Variants in EHMT2 observed in about 807,000 individuals in gnomAD.
The protein encoded by EHMT2 is euchromatic histone lysine methyltransferase 2.
Under a neutral mutation model 143.3 loss-of-function variants are expected in EHMT2, and 59 were observed. The ratio of observed to expected loss-of-function variants is 0.41; its 90% CI spans 0.33 to 0.51. The LOEUF is 0.51. EHMT2 is among the 20% of genes least tolerant of loss of function. The probability of loss-of-function intolerance (pLI) is 0.18; values close to 1 mark genes in which losing one functional copy is unlikely to be tolerated. For missense variants in EHMT2, 1,174 were observed against 1,645.9 expected, an observed-to-expected ratio of 0.71 and a Z score of 4.96; for synonymous variants, 604 against 651.5, an observed-to-expected ratio of 0.93 and a Z score of 1.11.
Position 31,880,524 on chromosome 6 carries a change from GT to G in EHMT2, c.3452+148del, listed in dbSNP as rs1208106753. The G allele has an allele frequency of 1.1e-6, 1 of 945,996 alleles. No individual in the cohort carries two copies. Among genetic ancestry groups the G allele is most frequent in the African/African-American group, 1.7e-5 (1 of 60,364 alleles). The allele number at this position is 945,996 out of a possible 1,614,324, so 58.6% of individuals were successfully genotyped here. A position where few individuals can be genotyped will look rare whatever the true frequency, so the allele number is the denominator to read the frequency against. ...GGGAGGCACAGGACTGTTTCCCCAAGTCCTCCAGGAAATACTTATGTACACT... is the reference window on the plus strand; with the variant it reads ...GGGAGGCACAGGACTGTTTCCCCAAGCCTCCAGGAAATACTTATGTACACT... On this transcript the variant is annotated intron_variant, in intron 27 of 27. Transcript: ENST00000375537. This position sits in a 1 kb window ranked among gnomAD's most constrained non-coding sequence, Gnocchi z 6.6.
At position 31,889,303 on chromosome 6, in the gene EHMT2, G is replaced by A. The variant is rs756538741; in HGVS notation, c.1039C>T (p.Arg347Ter). The A allele has an allele frequency of 4.3e-6, 7 of 1,612,236 alleles. No homozygotes were observed. The highest frequency in any genetic ancestry group is 2.2e-5 in the South Asian group (2 of 91,076). ...GGCTTCACCCATGGGCTGTCTTTTC[G>A]CCATTTCTTCTTGGCCTTGCGCCGG... Residue 347 changes from arginine to a stop codon, truncating the protein, a stop_gained, in exon 9 of 28, where the codon CGA (arginine) becomes TGA (stop). Coordinates refer to ENST00000375537, the Ensembl canonical transcript of EHMT2. LOFTEE classifies it high-confidence loss of function. The surrounding 1 kb of genome is among the most constrained non-coding windows in gnomAD (Gnocchi z 5.1).
Position 31,889,536 on chromosome 6 carries a change from C to G in EHMT2, c.931G>C (p.Glu311Gln), listed in dbSNP as rs1236407339. 6.2e-7 allele frequency: 1 copy of G among 1,611,904 alleles called. No individual in the cohort carries two copies. The highest frequency in any genetic ancestry group is 8.5e-7 in the Non-Finnish European group (1 of 1,179,764). Residue 311 changes from glutamate to glutamine, a missense_variant, in exon 8 of 28, where the codon GAA becomes CAA. Coordinates refer to ENST00000375537, the Ensembl canonical transcript of EHMT2. This position sits in a 1 kb window ranked among gnomAD's most constrained non-coding sequence, Gnocchi z 5.1. ...TCCTCTTCCTCCTCCTCTTCCTCTT[C>G]TTCTTCTTCCTCCTCTTCCTCCTCC...
Position 31,889,779 on chromosome 6 carries a change from C to T in EHMT2, c.865-177G>A, listed in dbSNP as rs913225467. ...AAGAGAGGGTGCATGGAATATTACA[C>T]AGCAGTGAAAAAGTTACAGACAGCA... On this transcript the variant is annotated intron_variant, in intron 7 of 27. Coordinates refer to ENST00000375537, the Ensembl canonical transcript of EHMT2. The surrounding 1 kb of genome is among the most constrained non-coding windows in gnomAD (Gnocchi z 5.1). Among the ~76,000 whole-genome samples the T allele has an allele frequency of 1.3e-5, 2 of 152,168 alleles. No homozygotes were observed. The highest frequency in any genetic ancestry group is 2.9e-5 in the Non-Finnish European group (2 of 68,040).
chr6:31,889,323 C>T lies in EHMT2; in HGVS notation c.1019G>A (p.Arg340His), dbSNP rs774536291. Reference sequence around the variant, plus strand: ...TTTTCGCCATTTCTTCTTGGCCTTGCGCCGGCCACTGGAACCACTCTGGGA... The same window carrying T: ...TTTTCGCCATTTCTTCTTGGCCTTGTGCCGGCCACTGGAACCACTCTGGGA... The change falls in exon 9 of 28, where the codon CGC becomes CAC. Residue 340 changes from arginine to histidine, a missense_variant. By Grantham distance (29) the Arg-to-His change is conservative. Coordinates refer to ENST00000375537, the Ensembl canonical transcript of EHMT2. This position sits in a 1 kb window ranked among gnomAD's most constrained non-coding sequence, Gnocchi z 5.1. The T allele has an allele frequency of 1.3e-5, 21 of 1,611,882 alleles. No homozygotes were observed. Among genetic ancestry groups the T allele is most frequent in the South Asian group, 2.2e-5 (2 of 91,080 alleles).
At position 31,883,317 on chromosome 6, in the gene EHMT2, TGAA is replaced by T; in HGVS notation, c.2994+42_2994+44del. The stretch of plus-strand genomic sequence containing the variant: ...CTGGTTTATTGGAGGCTGGCTCCTC[TGAA>T]GGAGGGGCCGGGTGTCTGTGGCCAA... On this transcript the variant is annotated intron_variant, in intron 23 of 27. Coordinates refer to ENST00000375537, the Ensembl canonical transcript of EHMT2. The surrounding 1 kb of genome is among the most constrained non-coding windows in gnomAD (Gnocchi z 5.6). 2 of 1,587,568 alleles carry T rather than the reference TGAA, an allele frequency of 1.3e-6. No homozygotes were observed. The highest frequency in any genetic ancestry group is 1.7e-6 in the Non-Finnish European group (2 of 1,157,944).
intron 1 of EHMT2, 155 bp from the exon 2 acceptor site, chr6:31,897,144 G>A: frequency 7.3e-7 from 1 of 1,371,330 alleles, no homozygotes; most frequent in Non-Finnish European, 9.4e-7. Flanking sequence ...GCCCGGAGGG[G>A]CCGCACGACC....
At position 31,889,408 on chromosome 6, in the gene EHMT2, A is replaced by G; in HGVS notation, c.999+60T>C. On this transcript the variant is annotated intron_variant, in intron 8 of 27. Coordinates refer to ENST00000375537, the Ensembl canonical transcript of EHMT2. This position sits in a 1 kb window ranked among gnomAD's most constrained non-coding sequence, Gnocchi z 5.1. ...CAGGGGCCCCCCCAACACCTTCAGGACCAGACCTCCAGCCCCATAGTCTCC... is the reference window on the plus strand; with the variant it reads ...CAGGGGCCCCCCCAACACCTTCAGGGCCAGACCTCCAGCCCCATAGTCTCC... 1 of 1,608,518 alleles carries G rather than the reference A, an allele frequency of 6.2e-7. No individual in the cohort carries two copies. Among genetic ancestry groups the G allele is most frequent in the Non-Finnish European group, 8.5e-7 (1 of 1,177,662 alleles).
Position 31,880,422 on chromosome 6 carries a change from A to T in EHMT2, c.3453-158T>A. Reference sequence around the variant, plus strand: ...CTTGTATGTTCTATGGACTTTCAGCATCAGCATTGCCTGGGGACTTTTTAG... The same window carrying T: ...CTTGTATGTTCTATGGACTTTCAGCTTCAGCATTGCCTGGGGACTTTTTAG... On this transcript the variant is annotated intron_variant, in intron 27 of 27. Coordinates refer to ENST00000375537, the Ensembl canonical transcript of EHMT2. The surrounding 1 kb of genome is among the most constrained non-coding windows in gnomAD (Gnocchi z 6.6). The T allele has an allele frequency of 1.1e-6, 1 of 914,920 alleles. No homozygotes were observed. The highest frequency in any genetic ancestry group is 1.6e-6 in the Non-Finnish European group (1 of 621,582). 56.7% of individuals were successfully genotyped at this position (914,920 alleles called of 1,614,324 possible).
rs778316991 is a variant in EHMT2 at position 31,883,966 on chromosome 6, A to C, written c.2772-16T>G. The C allele has an allele frequency of 7.4e-6, 12 of 1,612,336 alleles. No individual in the cohort carries two copies. The highest frequency in any genetic ancestry group is 1.0e-5 in the Non-Finnish European group (12 of 1,178,956). Reference sequence around the variant, plus strand: ...AGCCACGTCCCTGCAGAAGACGGGAAGAAGGGGCTGGGAAGCTGGAAAAGG... The same window carrying C: ...AGCCACGTCCCTGCAGAAGACGGGACGAAGGGGCTGGGAAGCTGGAAAAGG... On this transcript the variant is annotated splice_polypyrimidine_tract_variant and intron_variant, in intron 21 of 27. Transcript: ENST00000375537. The surrounding 1 kb of genome is among the most constrained non-coding windows in gnomAD (Gnocchi z 5.6).
chr6:31,890,634 G>C (rs1402221733), intron 7 of EHMT2, among the ~76,000 whole-genome samples: 1 of 150,918 alleles, frequency 6.6e-6, no homozygotes, highest in Non-Finnish European at 1.5e-5. Flanking sequence ...GGGAGGCCGA[G>C]GTGGGCAGAT....
At chr6:31,893,019 C>T (rs1765907876) in intron 4 of EHMT2, 109 bp from the exon 5 acceptor site, 4 of 653,588 alleles carry the variant, frequency 6.1e-6, no homozygotes, top group Non-Finnish European at 1.0e-5. Context: ...CCTCCAAATG[C>T]CATGTGAGGC....
chr6:31,892,724 T>G, exon 6 of EHMT2: 1 of 1,612,962 alleles, frequency 6.2e-7, no homozygotes, highest in Non-Finnish European at 8.5e-7. Flanking sequence ...GCTTCCTCCT[T>G]TTGGCCAGAT....
intron 4 of EHMT2, chr6:31,893,406 G>C (rs1050121924): frequency 4.3e-5 from 19 of 441,834 alleles, no homozygotes; most frequent in Admixed American, 2.4e-4. Context: ...CTTCAGCCTC[G>C]AACTGGACTC....
In EHMT2 at chr6:31,881,911, C is replaced by T. The variant is rs1764152286; in HGVS notation, c.3197+788G>A. On this transcript the variant is annotated intron_variant, in intron 25 of 27. Transcript: ENST00000375537. This position sits in a 1 kb window ranked among gnomAD's most constrained non-coding sequence, Gnocchi z 4.8. ...CTGAGGTCAGGAGTTGGAGACCAGC[C>T]TGGCTAACATGGTGAAACTCCGTTT... Among the ~76,000 whole-genome samples, 1 of 152,110 alleles carries T rather than the reference C, an allele frequency of 6.6e-6. No individual in the cohort carries two copies. The highest frequency in any genetic ancestry group is 2.1e-4 in the South Asian group (1 of 4,822).
rs767800859 is a variant in EHMT2, at chr6:31,888,715, C to T, written c.1249G>A (p.Glu417Lys). 6.2e-7 allele frequency: 1 copy of T among 1,613,652 alleles called. No homozygotes were observed. Among genetic ancestry groups the T allele is most frequent in the Non-Finnish European group, 8.5e-7 (1 of 1,180,022 alleles). ...AGGGGCAACTCCTCAAACCCTCGCTCTGTCTCCAGCGAAGATGTGTCATTG... is the reference window on the plus strand; with the variant it reads ...AGGGGCAACTCCTCAAACCCTCGCTTTGTCTCCAGCGAAGATGTGTCATTG... Residue 417 changes from glutamate to lysine, a missense_variant, in exon 11 of 28, where the codon GAG (glutamate) becomes AAG (lysine). Transcript: ENST00000375537. The surrounding 1 kb of genome is among the most constrained non-coding windows in gnomAD (Gnocchi z 7.4).
chr6:31,882,996 A>G, exon 24 of EHMT2: 1 of 1,612,806 alleles, frequency 6.2e-7, no homozygotes, highest in Non-Finnish European at 8.5e-7. Flanking sequence ...AAATTCCTGG[A>G]GCAATCGCCC....
chr6:31,897,023 C>T lies in EHMT2; in HGVS notation c.43-34G>A, dbSNP rs1400208285. The T allele has an allele frequency of 3.9e-6, 6 of 1,541,592 alleles. 1 individual carries two copies. The South Asian group carries it at 7.6e-5, about 20-fold the overall frequency. On this transcript the variant is annotated intron_variant, in intron 1 of 27. Coordinates refer to ENST00000375537, the Ensembl canonical transcript of EHMT2. ...GGAGACAAGGGACAGGAGGGCTGGT[C>T]AGCCCAGTAGAGAGTTGGGGGGTCC...
Position 31,888,311 on chromosome 6 carries a change from G to A in EHMT2, c.1510-35C>T. On this transcript the variant is annotated intron_variant, in intron 12 of 27. Coordinates refer to ENST00000375537, the Ensembl canonical transcript of EHMT2. This position sits in a 1 kb window ranked among gnomAD's most constrained non-coding sequence, Gnocchi z 7.4. ...GGGAAACGACATGGTCAGGTTACTG[G>A]GGCCCCCTCTGCCACAGGGCATGCT... 6.2e-7 allele frequency: 1 copy of A among 1,611,922 alleles called. No homozygotes were observed. The highest frequency in any genetic ancestry group is 8.5e-7 in the Non-Finnish European group (1 of 1,179,360).
intron 2 of EHMT2, 44 bp from the exon 3 acceptor site, chr6:31,896,868 T>C (rs1766558625): frequency 6.2e-7 from 1 of 1,611,866 alleles, no homozygotes; most frequent in Middle Eastern, 1.7e-4. Context: ...GCTCAGGAGA[T>C]CCTGTGTTTA....
Sources: gnomAD v4.1 joint callset for allele counts (sites outside exome capture counted in the v4.1 genomes callset) on GRCh38, gnomAD v4.1.1 for gene constraint, Gnocchi (gnomAD v3.1) non-coding constraint, MANE v1.5 for transcripts, NCBI Gene and HGNC (gene_info 2026-07-23, HGNC 2026-07-21) for gene names.